Variants in CTPS2 observed in about 807,000 individuals in gnomAD.
CTPS2 encodes CTP synthase II.
Under a neutral mutation model 46.8 loss-of-function variants are expected in CTPS2, and 19 were observed. That is an observed-to-expected ratio of 0.41 (90% CI 0.28 to 0.60). CTPS2 has a LOEUF of 0.60. Ranked by LOEUF, CTPS2 falls within the 20% of genes least tolerant of loss-of-function variation. The pLI, the probability that CTPS2 is intolerant of heterozygous loss-of-function variation, is 0.35. For synonymous variants in CTPS2, 151 were observed against 165.2 expected (o/e 0.91, Z 0.66); for missense variants, 286 against 447.6 (o/e 0.64, Z 3.26).
At chrX:16,676,367 G>GAGTAAATTCTTATCTT (rs1165037600) in intron 10 of CTPS2, among the ~76,000 whole-genome samples, 1 of 111,383 alleles carries the variant, frequency 9.0e-6, no homozygotes, top group Non-Finnish European at 1.9e-5. Flanking sequence ...AAGTTATCTT[G>GAGTAAATTCTTATCTT]GGACCTCAAA....
intron 16 of CTPS2, among the ~76,000 whole-genome samples, chrX:16,616,353 G>A (rs1219857951): frequency 8.9e-6 from 1 of 112,326 alleles, no homozygotes; most frequent in African/African-American, 3.2e-5. Flanking sequence ...GCAGTGATTA[G>A]TGTTCAGAAG....
intron 17 of CTPS2, among the ~76,000 whole-genome samples, chrX:16,602,615 AAC>A (rs1929732638): frequency 8.9e-6 from 1 of 112,030 alleles, no homozygotes; most frequent in Non-Finnish European, 1.9e-5. Context: ...AACTTCATGC[AAC>A]TTGGAAAAAT....
At position 16,617,210 on chromosome X, in the gene CTPS2, C is replaced by A; in HGVS notation, c.1486G>T (p.Asp496Tyr). ...PNLIKQFEQNDLSFVGQDVDG... is the reference protein window; with the variant it reads ...PNLIKQFEQNYLSFVGQDVDG... ...ACATCCTGACCTACAAAACTTAAGT[C>A]ATTCTGCTCAAATTGTTTGATCAGG... Residue 496 changes from aspartate to tyrosine, a missense_variant, in exon 16 of 19, where the codon GAC becomes TAC. Coordinates refer to ENST00000359276, the MANE Select transcript of CTPS2 (RefSeq NM_175859.3). 2 of 1,210,277 alleles carry A rather than the reference C, an allele frequency of 1.7e-6. No individual in the cohort carries two copies. Among genetic ancestry groups the A allele is most frequent in the Non-Finnish European group, 2.2e-6 (2 of 894,583 alleles).
At chrX:16,593,298 G>A (rs760425312) in intron 17 of CTPS2, among the ~76,000 whole-genome samples, 4 of 109,157 alleles carry the variant, frequency 3.7e-5, no homozygotes, top group South Asian at 4.1e-4. Context: ...GTGTGGTGGC[G>A]GGCGCCTGTA....
intron 17 of CTPS2, among the ~76,000 whole-genome samples, chrX:16,607,746 G>C (rs1246460125): frequency 8.9e-6 from 1 of 112,849 alleles, no homozygotes; most frequent in African/African-American, 3.2e-5. Context: ...GCCAGAATGA[G>C]GGTTGGCAGT....
At chrX:16,593,378 A>G (rs1198566107) in intron 17 of CTPS2, among the ~76,000 whole-genome samples, 10 of 104,922 alleles carry the variant, frequency 9.5e-5, no homozygotes, top group South Asian at 9.2e-4. Flanking sequence ...GCAACGAGCC[A>G]AGATCGCGCC....
chrX:16,600,821 A>C (rs1052830568), intron 17 of CTPS2, among the ~76,000 whole-genome samples: 1 of 112,517 alleles, frequency 8.9e-6, no homozygotes, highest in Non-Finnish European at 1.9e-5. Context: ...AGAAAGCAAA[A>C]TAGAATCTTT....
At chrX:16,644,502 A>G (rs1932220890) in intron 13 of CTPS2, among the ~76,000 whole-genome samples, 1 of 111,435 alleles carries the variant, frequency 9.0e-6, no homozygotes, top group African/African-American at 3.3e-5. Flanking sequence ...TGTAACCACA[A>G]AGGCTCTTAA....
intron 13 of CTPS2, among the ~76,000 whole-genome samples, chrX:16,645,156 T>A (rs1161479698): frequency 2.7e-5 from 3 of 109,383 alleles, no homozygotes; most frequent in African/African-American, 1.0e-4. Flanking sequence ...CTAACTTTTT[T>A]TTTTTTTTTT....
rs1924687993 is a variant in CTPS2, at chrX:16,702,828, C to G, written c.75G>C (p.Thr25=). The change falls in exon 2 of 19, where the codon ACG becomes ACC. Residue 25 remains threonine, a synonymous_variant. Coordinates refer to ENST00000359276, the MANE Select transcript of CTPS2 (RefSeq NM_175859.3). ...GKGIIASSIG[T]ILKSCGLRVT... ...CTCGGAGTCCACATGATTTTAGAAT[C>G]GTTCCAATGCTGCTGGCAATGATCC... 1 of 1,207,505 alleles carries G rather than the reference C, an allele frequency of 8.3e-7. No individual in the cohort carries two copies. The highest frequency in any genetic ancestry group is 1.8e-5 in the African/African-American group (1 of 56,749).
chrX:16,594,572 A>G (rs1051805923), intron 17 of CTPS2, among the ~76,000 whole-genome samples: 3 of 111,987 alleles, frequency 2.7e-5, no homozygotes, highest in South Asian at 3.7e-4. Context: ...TAAGTGTATG[A>G]TTTTCAGGAT....
At chrX:16,706,176 C>T (rs1431452311) in intron 1 of CTPS2, among the ~76,000 whole-genome samples, 2 of 111,472 alleles carry the variant, frequency 1.8e-5, no homozygotes. Context: ...ATAATCCCAG[C>T]ACTTTGGGCA....
intron 13 of CTPS2, among the ~76,000 whole-genome samples, chrX:16,667,246 C>A (rs1242703119): frequency 9.4e-6 from 1 of 106,923 alleles, no homozygotes; most frequent in South Asian, 4.3e-4. Context: ...AATTCTCCTG[C>A]CTCAGCCTCC....
At position 16,617,189 on chromosome X, in the gene CTPS2, C is replaced by T. The variant is rs775775118; in HGVS notation, c.1507G>A (p.Asp503Asn). The T allele has an allele frequency of 1.7e-6, 2 of 1,210,366 alleles. No individual in the cohort carries two copies. The highest frequency in any genetic ancestry group is 4.3e-5 in the Admixed American group (2 of 45,986). The change falls in exon 16 of 19, where the codon GAT (aspartate) becomes AAT (asparagine). Residue 503 changes from aspartate to asparagine, a missense_variant. By Grantham distance (23) the Asp-to-Asn change is conservative (BLOSUM62 1). Transcript: ENST00000359276. ...EQNDLSFVGQ[D>N]VDGDRMEIIE... ...ATTTCCATCCTGTCTCCATCAACAT[C>T]CTGACCTACAAAACTTAAGTCATTC...
In CTPS2 at chrX:16,693,379, C is replaced by G; in HGVS notation, c.547G>C (p.Val183Leu). Residue 183 changes from valine (V) to leucine (L), a missense_variant, in exon 5 of 19, where the codon GTC becomes CTC. Physicochemically the swap from Val to Leu is conservative, Grantham distance 32. Transcript: ENST00000359276. ...ENFCNIHVSL[V>L]PQLSATGEQK... Reference sequence around the variant, plus strand: ...TTATCTGGAAAGCCCACCTGTGGGACAAGGCTAACGTGGATATTACAGAAA... The same window carrying G: ...TTATCTGGAAAGCCCACCTGTGGGAGAAGGCTAACGTGGATATTACAGAAA... 8.4e-7 allele frequency: 1 copy of G among 1,195,847 alleles called. No homozygotes were observed. The highest frequency in any genetic ancestry group is 1.1e-6 in the Non-Finnish European group (1 of 881,397).
chrX:16,622,980 C>T (rs1930922192), intron 14 of CTPS2, among the ~76,000 whole-genome samples: 2 of 112,074 alleles, frequency 1.8e-5, no homozygotes, highest in African/African-American at 6.5e-5. Flanking sequence ...GCACTGAGAA[C>T]AGAAAGCGAA....
chrX:16,612,139 T>C (rs1306574272), intron 16 of CTPS2, among the ~76,000 whole-genome samples: 1 of 112,311 alleles, frequency 8.9e-6, no homozygotes, highest in African/African-American at 3.2e-5. Context: ...AGTAAAAAGT[T>C]TTTATTTTGA....
intron 17 of CTPS2, among the ~76,000 whole-genome samples, chrX:16,605,003 A>G (rs1929889962): frequency 1.8e-5 from 2 of 112,449 alleles, no homozygotes; most frequent in African/African-American, 3.2e-5. Context: ...TGAGGCTGCT[A>G]TCTTTCAAAG....
At chrX:16,698,027 G>C (rs1403087862) in intron 4 of CTPS2, among the ~76,000 whole-genome samples, 1 of 110,966 alleles carries the variant, frequency 9.0e-6, no homozygotes, top group Non-Finnish European at 1.9e-5. Flanking sequence ...CCCAGGAGTA[G>C]GTGTGATTGT....
Sources: allele counts gnomAD v4.1 joint callset (sites outside exome capture counted in the v4.1 genomes callset), GRCh38; gene constraint gnomAD v4.1.1; transcripts MANE v1.5; gene names NCBI Gene and HGNC (gene_info 2026-07-23, HGNC 2026-07-21).